The following PREX2 variants were observed in gnomAD, a reference collection of about 807,000 sequenced individuals.
PREX2 encodes phosphatidylinositol-3,4,5-trisphosphate dependent Rac exchange factor 2.
Under a neutral mutation model 203.2 loss-of-function variants are expected in PREX2, and 107 were observed. The observed-to-expected ratio is 0.53, with a 90% confidence interval of 0.45 to 0.62. The LOEUF is 0.62. Among genes scored for constraint, PREX2 ranks in the 20% least tolerant of loss-of-function variants. The pLI, the probability that PREX2 is intolerant of heterozygous loss-of-function variation, is 0.00. For missense variants in PREX2, 1,777 were observed against 1,955.9 expected, an observed-to-expected ratio of 0.91 and a Z score of 1.72; for synonymous variants, 672 against 663.6, an observed-to-expected ratio of 1.01 and a Z score of -0.19.
At chr8:68,115,675 A>G in intron 25 of PREX2, 78 bp from the exon 26 acceptor site, 3 of 928,100 alleles carry the variant, frequency 3.2e-6, no homozygotes, top group Non-Finnish European at 4.7e-6. Context: ...TTGTAAGCCT[A>G]TTGTATTCAG....
intron 34 of PREX2, among the ~76,000 whole-genome samples, chr8:68,149,723 GGCTCT>G (rs1248989818): frequency 6.6e-6 from 1 of 152,128 alleles, no homozygotes; most frequent in East Asian, 1.9e-4. Flanking sequence ...AGAATACCCA[GGCTCT>G]GCCCCATGCA....
intron 8 of PREX2, among the ~76,000 whole-genome samples, chr8:68,045,931 T>G (rs774957533): frequency 2.6e-5 from 4 of 151,862 alleles, no homozygotes; most frequent in Non-Finnish European, 5.9e-5. Flanking sequence ...AAATGTTATC[T>G]AACATGCTAA....
intron 37 of PREX2, 178 bp downstream of exon 37, chr8:68,192,703 G>T (rs1296944970): frequency 6.2e-6 from 3 of 481,678 alleles, no homozygotes; most frequent in Non-Finnish European, 1.1e-5. Context: ...TGACTATTTA[G>T]TCATACACAT....
chr8:68,131,455 C>G (rs1202270022), intron 31 of PREX2, among the ~76,000 whole-genome samples: 1 of 152,170 alleles, frequency 6.6e-6, no homozygotes, highest in Non-Finnish European at 1.5e-5. Context: ...CTTGGATCCT[C>G]TAGTAGTTGT....
intron 34 of PREX2, among the ~76,000 whole-genome samples, chr8:68,151,321 G>A (rs549466104): frequency 6.6e-6 from 1 of 152,144 alleles, no homozygotes; most frequent in East Asian, 1.9e-4. Context: ...GGAGACTGAG[G>A]TGGAAGGATC....
rs1225523883 is a variant in PREX2 at position 68,141,763 on chromosome 8, G to C, written c.4087+3246G>C. On this transcript the variant is annotated intron_variant, in intron 33 of 39. Transcript: ENST00000288368. ...AATGATTAGAGGCTATGTTTACAAGGATGGGATGGCACTGTTGAAACTCCT... is the reference window on the plus strand; with the variant it reads ...AATGATTAGAGGCTATGTTTACAAGCATGGGATGGCACTGTTGAAACTCCT... Among the ~76,000 whole-genome samples, 3 of 152,164 alleles carry C rather than the reference G, an allele frequency of 2.0e-5. No individual in the cohort carries two copies. The East Asian group carries it at 5.8e-4, about 29-fold the overall frequency.
intron 10 of PREX2, among the ~76,000 whole-genome samples, chr8:68,059,003 T>C (rs1808764417): frequency 1.3e-5 from 2 of 151,248 alleles, no homozygotes; most frequent in Admixed American, 1.3e-4. Flanking sequence ...AACAACTTTT[T>C]CTGCCTTAAA....
chr8:68,129,747 G>A (rs1447758929), intron 31 of PREX2, among the ~76,000 whole-genome samples: 1 of 151,948 alleles, frequency 6.6e-6, no homozygotes, highest in African/African-American at 2.4e-5. Context: ...AGTTTAAATA[G>A]GTGCTTAAAT....
At chr8:68,021,766 C>G (rs1210907995) in intron 3 of PREX2, among the ~76,000 whole-genome samples, 1 of 152,152 alleles carries the variant, frequency 6.6e-6, no homozygotes, top group Non-Finnish European at 1.5e-5. Context: ...CAAAGCTCAG[C>G]CCTCTCTTTT....
chr8:68,179,698 T>C (rs944313565), intron 35 of PREX2, among the ~76,000 whole-genome samples: 1 of 152,172 alleles, frequency 6.6e-6, no homozygotes, highest in Admixed American at 6.6e-5. Flanking sequence ...TGTCTGCTGC[T>C]CTACAGAATA....
rs537534798 is a variant in PREX2, at chr8:68,019,737, A to T, written c.336+66A>T. On this transcript the variant is annotated intron_variant, in intron 3 of 39. Coordinates refer to ENST00000288368, the MANE Select transcript of PREX2 (RefSeq NM_024870.4). ...TAGATTTTGAGATTTAGCTCTTGGCATAGTGGTATGTGTGAATTCAGTATT... is the reference window on the plus strand; with the variant it reads ...TAGATTTTGAGATTTAGCTCTTGGCTTAGTGGTATGTGTGAATTCAGTATT... 2.1e-6 allele frequency: 3 copies of T among 1,463,268 alleles called. No homozygotes were observed. The African/African-American group carries it at 4.2e-5, about 21-fold the overall frequency. 90.6% of individuals were successfully genotyped at this position (1,463,268 alleles called of 1,614,324 possible).
At chr8:68,169,246 C>A (rs1388259449) in intron 35 of PREX2, among the ~76,000 whole-genome samples, 1 of 152,004 alleles carries the variant, frequency 6.6e-6, no homozygotes, top group South Asian at 2.1e-4. Context: ...CAGTGAAGGA[C>A]CTGGGGAGGC....
chr8:67,976,725 GAGAC>G (rs1454566200), intron 1 of PREX2, among the ~76,000 whole-genome samples: 1 of 116,546 alleles, frequency 8.6e-6, no homozygotes, highest in African/African-American at 3.3e-5. Context: ...GACAGAGAGA[GAGAC>G]AGAGAGAGAG....
At chr8:67,957,526 C>A (rs1026937507) in intron 1 of PREX2, among the ~76,000 whole-genome samples, 3 of 152,110 alleles carry the variant, frequency 2.0e-5, no homozygotes, top group African/African-American at 4.8e-5. Context: ...TTCGTAAAAG[C>A]AGTTAGAAAA....
At chr8:68,208,617 G>A (rs564330339) in intron 37 of PREX2, among the ~76,000 whole-genome samples, 1 of 152,252 alleles carries the variant, frequency 6.6e-6, no homozygotes, top group East Asian at 1.9e-4. Context: ...AGCAGAGGAA[G>A]AGGTAAAAAG....
chr8:67,997,305 C>A (rs1322303381), intron 1 of PREX2, among the ~76,000 whole-genome samples: 4 of 152,084 alleles, frequency 2.6e-5, no homozygotes, highest in Admixed American at 6.5e-5. Context: ...AGACCCCCAG[C>A]AGATTTCTGA....
At chr8:68,144,578 G>A (rs980410985) in intron 33 of PREX2, among the ~76,000 whole-genome samples, 3 of 152,056 alleles carry the variant, frequency 2.0e-5, no homozygotes, top group Admixed American at 1.3e-4. Flanking sequence ...AGTTCCAGGA[G>A]CAGTTTTTTG....
chr8:68,156,568 A>G (rs1811547583), intron 34 of PREX2, among the ~76,000 whole-genome samples: 1 of 152,196 alleles, frequency 6.6e-6, no homozygotes, highest in South Asian at 2.1e-4. Context: ...CCCCATAGCA[A>G]AAGACAAGTT....
Position 68,080,850 on chromosome 8 carries a change from T to G in PREX2, c.1878+12T>G, listed in dbSNP as rs781695566. 18 of 1,327,750 alleles carry G rather than the reference T, an allele frequency of 1.4e-5. No individual in the cohort carries two copies. In the Admixed American group the frequency reaches 3.2e-4, roughly 24 times the overall value. The allele number at this position is 1,327,750 out of a possible 1,614,324, so 82.2% of individuals were successfully genotyped here. On this transcript the variant is annotated intron_variant, in intron 17 of 39. Coordinates refer to ENST00000288368, the MANE Select transcript of PREX2 (RefSeq NM_024870.4). The stretch of plus-strand genomic sequence containing the variant: ...GATCTAATGCTGAGGTAATGTAAAT[T>G]AGCGTTTTAATTTAAATTTGTTATC...
Sources: allele counts gnomAD v4.1 joint callset (sites outside exome capture counted in the v4.1 genomes callset), GRCh38; gene constraint gnomAD v4.1.1; transcripts MANE v1.5; gene names NCBI Gene and HGNC (gene_info 2026-07-23, HGNC 2026-07-21).